Variants in PPARGC1B observed in about 807,000 individuals in gnomAD.
PPARGC1B encodes the protein peroxisome proliferator-activated receptor gamma coactivator 1-beta.
PPARGC1B carries 34 observed loss-of-function variants against 101.6 expected under a neutral mutation model. The ratio of observed to expected loss-of-function variants is 0.33; its 90% CI spans 0.25 to 0.45. PPARGC1B has a LOEUF of 0.45. PPARGC1B is among the 20% of genes least tolerant of loss of function. The pLI, the probability that PPARGC1B is intolerant of heterozygous loss-of-function variation, is 1.00. For synonymous variants in PPARGC1B, 548 were observed against 539.3 expected (o/e 1.02, Z -0.22); for missense variants, 1,234 against 1,317.6 (o/e 0.94, Z 0.98).
In PPARGC1B at chr5:149,834,611, AGGGGAAACATC is replaced by A. The variant is rs1179252406; in HGVS notation, c.1706-62_1706-52del. On this transcript the variant is annotated intron_variant, in intron 5 of 11. Coordinates refer to ENST00000309241, the MANE Select transcript of PPARGC1B (RefSeq NM_133263.4). ...AGTGGAGGCCTAGGGTCTCCTCCAG[AGGGGAAACATC>A]TGCTAGTGATACCATATTGGGGAAT... The A allele has an allele frequency of 2.0e-6, 3 of 1,518,036 alleles. No homozygotes were observed. In the African/African-American group the frequency reaches 4.1e-5, roughly 21 times the overall value. The allele number at this position is 1,518,036 out of a possible 1,614,324, so 94.0% of individuals were successfully genotyped here.
chr5:149,744,432 T>C (rs1388690994), intron 1 of PPARGC1B, among the ~76,000 whole-genome samples: 1 of 152,056 alleles, frequency 6.6e-6, no homozygotes, highest in Admixed American at 6.6e-5. Flanking sequence ...GGCTGAGGGG[T>C]CCTGCACACC....
At chr5:149,831,070 G>T (rs1297335440) in intron 4 of PPARGC1B, among the ~76,000 whole-genome samples, 187 bp downstream of exon 4, 1 of 152,204 alleles carries the variant, frequency 6.6e-6, no homozygotes, top group African/African-American at 2.4e-5. Flanking sequence ...TCTGGAAGGA[G>T]CCCTGGACTT....
At chr5:149,793,044 G>A (rs540540419) in intron 1 of PPARGC1B, among the ~76,000 whole-genome samples, 13 of 152,076 alleles carry the variant, frequency 8.5e-5, no homozygotes, top group African/African-American at 3.1e-4. Context: ...GCTTCATCCA[G>A]GCGGAGGAGA....
At chr5:149,796,550 A>G (rs879608615) in intron 1 of PPARGC1B, among the ~76,000 whole-genome samples, 2 of 152,146 alleles carry the variant, frequency 1.3e-5, no homozygotes, top group Non-Finnish European at 2.9e-5. Flanking sequence ...GGGAGAGACC[A>G]ACTTGGGGTG....
intron 1 of PPARGC1B, among the ~76,000 whole-genome samples, chr5:149,807,606 A>G (rs1294310564): frequency 6.6e-6 from 1 of 152,200 alleles, no homozygotes; most frequent in Non-Finnish European, 1.5e-5. Context: ...TTCATTAGAA[A>G]TAGGGCACGT....
intron 1 of PPARGC1B, among the ~76,000 whole-genome samples, chr5:149,743,675 G>T (rs1408683124): frequency 6.6e-6 from 1 of 152,186 alleles, no homozygotes; most frequent in African/African-American, 2.4e-5. Context: ...GCCTGGAGAC[G>T]TGCTAGGATG....
intron 1 of PPARGC1B, among the ~76,000 whole-genome samples, chr5:149,744,534 G>A (rs1755021779): frequency 6.6e-6 from 1 of 152,196 alleles, no homozygotes; most frequent in African/African-American, 2.4e-5. Flanking sequence ...ATTCTGTTCA[G>A]TGTTCTCCGA....
downstream of PPARGC1B, among the ~76,000 whole-genome samples, chr5:149,855,587 T>G (rs1446063974): frequency 6.6e-6 from 1 of 152,190 alleles, no homozygotes; most frequent in Non-Finnish European, 1.5e-5. Flanking sequence ...GCCTGCATTG[T>G]GTGCGGTAAT....
intron 1 of PPARGC1B, among the ~76,000 whole-genome samples, chr5:149,770,981 A>T (rs1257008216): frequency 1.3e-5 from 2 of 152,132 alleles, no homozygotes; most frequent in African/African-American, 4.8e-5. Context: ...GCTGTCGTTT[A>T]TGTGGGTGGG....
intron 9 of PPARGC1B, among the ~76,000 whole-genome samples, chr5:149,840,542 C>T (rs147446376): frequency 1.0e-3 from 157 of 152,256 alleles, no homozygotes; most frequent in East Asian, 3.5e-3. Flanking sequence ...CTCATTTGTA[C>T]GTAAGGGAGT....
chr5:149,781,607 G>T (rs983745991), intron 1 of PPARGC1B, among the ~76,000 whole-genome samples: 1 of 152,214 alleles, frequency 6.6e-6, no homozygotes, highest in Non-Finnish European at 1.5e-5. Context: ...GCTGCCGTTT[G>T]AGTGGCCAGC....
At chr5:149,761,128 CTG>C (rs1755702165) in intron 1 of PPARGC1B, among the ~76,000 whole-genome samples, 3 of 151,600 alleles carry the variant, frequency 2.0e-5, no homozygotes, top group Admixed American at 1.3e-4. Flanking sequence ...CAAATAAAAA[CTG>C]TGTTATTTAA....
At chr5:149,785,557 C>T (rs1226189397) in intron 1 of PPARGC1B, among the ~76,000 whole-genome samples, 2 of 152,162 alleles carry the variant, frequency 1.3e-5, no homozygotes, top group Non-Finnish European at 2.9e-5. Context: ...CTTTTTTCCC[C>T]TTTACCTTTT....
intron 1 of PPARGC1B, among the ~76,000 whole-genome samples, chr5:149,743,238 C>T (rs1754974288): frequency 6.7e-6 from 1 of 150,072 alleles, no homozygotes; most frequent in Non-Finnish European, 1.5e-5. Context: ...TCACTGCAAC[C>T]TCTGCCTCCT....
intron 1 of PPARGC1B, among the ~76,000 whole-genome samples, chr5:149,778,090 C>A (rs1561527639): frequency 1.5e-5 from 2 of 133,946 alleles, no homozygotes; most frequent in Non-Finnish European, 3.2e-5. Context: ...CACACACACA[C>A]ACACACACAC....
intron 1 of PPARGC1B, among the ~76,000 whole-genome samples, chr5:149,746,893 C>T (rs1468566153): frequency 6.6e-6 from 1 of 152,104 alleles, no homozygotes; most frequent in Non-Finnish European, 1.5e-5. Flanking sequence ...ATTTGCATAT[C>T]TTCTTTAGAT....
chr5:149,815,994 A>C (rs1350563688), intron 1 of PPARGC1B, among the ~76,000 whole-genome samples: 1 of 152,168 alleles, frequency 6.6e-6, no homozygotes, highest in Admixed American at 6.5e-5. Flanking sequence ...AGCGGCTGTT[A>C]GTTTGTGCTT....
At chr5:149,788,764 A>T (rs971995311) in intron 1 of PPARGC1B, among the ~76,000 whole-genome samples, 3 of 152,240 alleles carry the variant, frequency 2.0e-5, no homozygotes, top group Non-Finnish European at 4.4e-5. Flanking sequence ...GGATGAGTTC[A>T]TGTCCTTTGT....
In PPARGC1B at chr5:149,772,277, T is replaced by G. The variant is rs1756162331; in HGVS notation, c.78+41857T>G. The G allele has an allele frequency of 2.0e-6, 3 of 1,503,710 alleles. No homozygotes were observed. In the East Asian group the frequency reaches 7.4e-5, roughly 37 times the overall value. 93.1% of individuals were successfully genotyped at this position (1,503,710 alleles called of 1,614,324 possible). On this transcript the variant is annotated intron_variant, in intron 1 of 11. Coordinates refer to ENST00000309241, the MANE Select transcript of PPARGC1B (RefSeq NM_133263.4). ...TGGTTGTGATGTGGCGATGGTGGGT[T>G]AGGGTACGGTAGTGTGCGTGATGTG...
Sources: allele counts gnomAD v4.1 joint callset (sites outside exome capture counted in the v4.1 genomes callset), GRCh38; gene constraint gnomAD v4.1.1; transcripts MANE v1.5; gene names NCBI Gene and HGNC (gene_info 2026-07-23, HGNC 2026-07-21).